Variants in PLCH2 observed in about 807,000 individuals in gnomAD.
PLCH2 encodes phospholipase C eta 2, also known as 1-phosphatidylinositol 4,5-bisphosphate phosphodiesterase eta-2.
In PLCH2, 98 loss-of-function variants were observed where a neutral mutation model predicts 134.7. The ratio of observed to expected loss-of-function variants is 0.73; its 90% CI spans 0.62 to 0.86. The LOEUF (loss-of-function observed/expected upper bound fraction) is 0.86. Among genes scored for constraint, PLCH2 ranks in the 40% least tolerant of loss-of-function variants. The pLI is 0.00. For synonymous variants in PLCH2, 974 were observed against 827.5 expected (o/e 1.18, Z -3.04); for missense variants, 1,994 against 1,986.6 (o/e 1.00, Z -0.07).
rs910520641 is a variant in PLCH2, at chr1:2,444,036, G to C, written c.115+13407G>C. 6.6e-6 allele frequency among the ~76,000 whole-genome samples: 1 copy of C among 152,158 alleles called. No homozygotes were observed. The highest frequency in any genetic ancestry group is 1.5e-5 in the Non-Finnish European group (1 of 67,998). ...GATGCGCGGGTGGACGCGCGGGGGC[G>C]CCGCAGCCCTGGTGCGGGTCGGGGC... On this transcript the variant is annotated intron_variant, in intron 2 of 3. Coordinates refer to the PLCH2 transcript ENST00000609981. The surrounding 1 kb of genome is among the most constrained non-coding windows in gnomAD (Gnocchi z 4.6).
In PLCH2 at chr1:2,476,323, G is replaced by A. The variant is rs905196099; in HGVS notation, c.-266G>A. ...TCCCCCAGCCTTGGGAGGCGGCTGCGTCAGGGATTCCTTGGTGGCCCTGGA... is the reference window on the plus strand; with the variant it reads ...TCCCCCAGCCTTGGGAGGCGGCTGCATCAGGGATTCCTTGGTGGCCCTGGA... On this transcript the variant is annotated 5_prime_UTR_variant, in exon 1 of 22. Coordinates refer to ENST00000378486, the MANE Select transcript of PLCH2 (RefSeq NM_014638.4). The A allele has an allele frequency of 4.4e-5, 17 of 385,960 alleles. No individual in the cohort carries two copies. Among genetic ancestry groups the A allele is most frequent in the East Asian group, 3.5e-4 (9 of 25,422 alleles). The allele number at this position is 385,960 out of a possible 1,614,324, so 23.9% of individuals were successfully genotyped here.
chr1:2,424,397 G>A (rs1199658666), upstream of PLCH2, among the ~76,000 whole-genome samples: 1 of 152,164 alleles, frequency 6.6e-6, no homozygotes, highest in Non-Finnish European at 1.5e-5. Context: ...CTGGCCTCTA[G>A]GGACCAGCTT....
chr1:2,484,286 C>T lies in PLCH2; in HGVS notation c.646-162C>T, dbSNP rs146706281. ...GGGCTGTCCTCCTGGTGGGTGGGCC[C>T]GTGCCCTGGGGAGTGATTGGAGGCC... On this transcript the variant is annotated intron_variant, in intron 4 of 21. Coordinates refer to ENST00000378486, the MANE Select transcript of PLCH2 (RefSeq NM_014638.4). 8.9e-3 allele frequency among the ~76,000 whole-genome samples: 1,348 copies of T among 152,132 alleles called. 6 individuals are homozygous for T. Among genetic ancestry groups the T allele is most frequent in the Non-Finnish European group, 0.012 (816 of 67,980 alleles).
At position 2,487,267 on chromosome 1, in the gene PLCH2, C is replaced by T; in HGVS notation, c.1005C>T (p.Tyr335=). 1 of 1,613,668 alleles carries T rather than the reference C, an allele frequency of 6.2e-7. No individual in the cohort carries two copies. The highest frequency in any genetic ancestry group is 8.5e-7 in the Non-Finnish European group (1 of 1,179,818). ...ACATGACGCAGCCGCTGAGCCACTA[C>T]TTCATCACCTCGTCCCACAACACCT... ...HQDMTQPLSH[Y]FITSSHNTYL... Residue 335 remains tyrosine (Y), a synonymous_variant, in exon 7 of 22, where the codon TAC becomes TAT. Coordinates refer to ENST00000378486, the MANE Select transcript of PLCH2 (RefSeq NM_014638.4).
At chr1:2,486,111 A>C (rs750230568) in intron 5 of PLCH2, among the ~76,000 whole-genome samples, 15 of 152,176 alleles carry the variant, frequency 9.9e-5, no homozygotes, top group Non-Finnish European at 1.8e-4. Context: ...TGCAGATAGT[A>C]GGTCCTCTGT....
intron 2 of PLCH2, among the ~76,000 whole-genome samples, chr1:2,458,367 G>T (rs1640602092): frequency 6.6e-6 from 1 of 152,226 alleles, no homozygotes; most frequent in Non-Finnish European, 1.5e-5. Flanking sequence ...CTAGCAGGGG[G>T]CTGGGCACCT....
upstream of PLCH2, among the ~76,000 whole-genome samples, chr1:2,422,086 C>A (rs1297196512): frequency 6.6e-6 from 1 of 152,014 alleles, no homozygotes; most frequent in East Asian, 1.9e-4. Flanking sequence ...TCCTGGCCAA[C>A]ATGGAAACCA....
At chr1:2,443,031 G>T (rs1453506804) in intron 2 of PLCH2, among the ~76,000 whole-genome samples, 1 of 152,212 alleles carries the variant, frequency 6.6e-6, no homozygotes. Context: ...TGGGCCTCCA[G>T]GGTCTGGAAC....
At chr1:2,482,058 G>A (rs1466905906) in intron 4 of PLCH2, among the ~76,000 whole-genome samples, 1 of 152,274 alleles carries the variant, frequency 6.6e-6, no homozygotes, top group Non-Finnish European at 1.5e-5. Flanking sequence ...TTGCCAGAGT[G>A]CGCTGGGCGG....
At position 2,476,702 on chromosome 1, in the gene PLCH2, C is replaced by G; in HGVS notation, c.114C>G (p.Leu38=). Residue 38 remains leucine, a synonymous_variant, in exon 1 of 22, where the codon CTC becomes CTG. Transcript: ENST00000378486. ...GSVVLSSEWQ[L]GPLVERCMGA... The stretch of plus-strand genomic sequence containing the variant: ...TGGTGCTGTCTTCAGAGTGGCAGCT[C>G]GGCCCCCTGGGTAAGAAGGGGCAGG... 6.2e-7 allele frequency: 1 copy of G among 1,607,208 alleles called. No homozygotes were observed. The highest frequency in any genetic ancestry group is 8.5e-7 in the Non-Finnish European group (1 of 1,177,758).
Position 2,496,690 on chromosome 1 carries a change from A to G in PLCH2, c.1919A>G (p.Asp640Gly). 1 of 1,611,870 alleles carries G rather than the reference A, an allele frequency of 6.2e-7. No homozygotes were observed. Among genetic ancestry groups the G allele is most frequent in the Non-Finnish European group, 8.5e-7 (1 of 1,179,358 alleles). ...VKYTKSVATH[D>G]IEMEAASSWQ... The stretch of plus-strand genomic sequence containing the variant: ...TACACCAAGTCCGTGGCCACCCACG[A>G]CATAGAGATGGAGGGTGAGTGGCTC... Residue 640 changes from aspartate (D) to glycine (G), a missense_variant, in exon 14 of 22, where the codon GAC becomes GGC. By Grantham distance (94) the Asp-to-Gly change is moderately conservative (BLOSUM62 -1). This residue lies in a region of PLCH2 where 1,094 missense variants were observed against 1,234.3 expected (regional missense o/e 0.89). Transcript: ENST00000378486.
chr1:2,479,631 G>A, intron 2 of PLCH2, 103 bp from the exon 3 acceptor site: 2 of 1,259,612 alleles, frequency 1.6e-6, no homozygotes, highest in Non-Finnish European at 2.2e-6. Context: ...CGCAAAGGTG[G>A]GCAAGGAGCT....
At chr1:2,495,033 G>A (rs1231706879) in intron 12 of PLCH2, 85 bp downstream of exon 12, 8 of 948,542 alleles carry the variant, frequency 8.4e-6, no homozygotes, top group Non-Finnish European at 1.3e-5. Context: ...CCTGCTCCCA[G>A]TGCCCCGTGT....
At chr1:2,479,667 T>G in intron 2 of PLCH2, 67 bp from the exon 3 acceptor site, 1 of 1,483,794 alleles carries the variant, frequency 6.7e-7, no homozygotes, top group Non-Finnish European at 9.1e-7. Flanking sequence ...TCCGCAGTGT[T>G]GGGGCTGCCA....
chr1:2,459,440 G>C (rs867409752), intron 2 of PLCH2, among the ~76,000 whole-genome samples: 1,493 of 8,292 alleles, frequency 0.18, 432 homozygotes, highest in East Asian at 0.32. Context: ...GGTCCTCCTT[G>C]CCGGTGGTCC....
At chr1:2,433,435 C>T (rs576248780) in intron 2 of PLCH2, among the ~76,000 whole-genome samples, 9 of 152,218 alleles carry the variant, frequency 5.9e-5, no homozygotes, top group East Asian at 1.9e-4. Context: ...AGTACTCCAG[C>T]GGGAGGCTGT....
intron 2 of PLCH2, among the ~76,000 whole-genome samples, chr1:2,441,248 G>T (rs887149210): frequency 2.6e-5 from 4 of 152,220 alleles, no homozygotes; most frequent in Non-Finnish European, 5.9e-5. Flanking sequence ...GCCAGCCCCT[G>T]CTGTGAAGCC....
chr1:2,483,563 T>C (rs1217769515), intron 4 of PLCH2, among the ~76,000 whole-genome samples: 1 of 152,164 alleles, frequency 6.6e-6, no homozygotes, highest in Non-Finnish European at 1.5e-5. Flanking sequence ...AAGCAGGTCA[T>C]GCTCTCACCC....
At chr1:2,501,978 T>TGAGGTGGCCCAGCCC (rs1643249303) in intron 20 of PLCH2, 134 bp from the exon 21 acceptor site, 1 of 772,906 alleles carries the variant, frequency 1.3e-6, no homozygotes, top group African/African-American at 1.9e-5. Flanking sequence ...ACCCCCAGCC[T>TGAGGTGGCCCAGCCC]GAGGTGGCCC....
Sources: allele counts gnomAD v4.1 joint callset (sites outside exome capture counted in the v4.1 genomes callset), GRCh38; gene constraint gnomAD v4.1.1; regional missense constraint gnomAD v4.1.1; non-coding constraint Gnocchi (gnomAD v3.1); transcripts MANE v1.5; gene names NCBI Gene and HGNC (gene_info 2026-07-23, HGNC 2026-07-21).